TENM1: variants seen among roughly 807,000 people sequenced by gnomAD.
TENM1 encodes the protein teneurin transmembrane protein 1, also known as teneurin-1.
TENM1 carries 35 observed loss-of-function variants against 174.8 expected under a neutral mutation model. That is an observed-to-expected ratio of 0.20 (90% confidence interval 0.15 to 0.27). The LOEUF is 0.27. Ranked by LOEUF, TENM1 falls within the 10% of genes least tolerant of loss-of-function variation. TENM1 has a pLI of 1.00. For synonymous variants in TENM1, 781 were observed against 798.7 expected, an observed-to-expected ratio of 0.98 and a Z score of 0.37; for missense variants, 1,633 against 2,130.1, an observed-to-expected ratio of 0.77 and a Z score of 4.59.
chrX:124,504,693 G>C (rs1238462877), intron 18 of TENM1, among the ~76,000 whole-genome samples: 1 of 111,331 alleles, frequency 9.0e-6, no homozygotes, highest in African/African-American at 3.3e-5. Flanking sequence ...TCGAGTACCT[G>C]CCTCTGCCTG....
chrX:124,453,702 C>T (rs1039468315), intron 22 of TENM1, among the ~76,000 whole-genome samples: 3 of 111,701 alleles, frequency 2.7e-5, no homozygotes, highest in East Asian at 2.8e-4. Context: ...AAAAGTCACA[C>T]GCGGAGATAA....
At chrX:124,422,005 G>T (rs769111403) in intron 24 of TENM1, among the ~76,000 whole-genome samples, 1 of 111,982 alleles carries the variant, frequency 8.9e-6, no homozygotes, top group South Asian at 3.7e-4. Context: ...GAATAGCAAG[G>T]TGATATAACT....
chrX:125,044,397 G>A, the TENM1 span, among the ~76,000 whole-genome samples: 1 of 108,069 alleles, frequency 9.3e-6, no homozygotes, highest in East Asian at 3.0e-4. Flanking sequence ...AGACTAGCCT[G>A]GGCAACACAG....
the TENM1 span, among the ~76,000 whole-genome samples, chrX:124,979,110 A>T: frequency 3.5e-5 from 4 of 112,810 alleles, no homozygotes; most frequent in Non-Finnish European, 7.5e-5. Flanking sequence ...AGCCTGCCCC[A>T]CCACAGCAGA....
chrX:125,044,695 A>G, the TENM1 span, among the ~76,000 whole-genome samples: 1 of 111,435 alleles, frequency 9.0e-6, no homozygotes, highest in South Asian at 3.7e-4. Flanking sequence ...CATATTGTCA[A>G]CCTTGAAAAC....
chrX:124,438,004 C>T (rs1409746732), intron 23 of TENM1, among the ~76,000 whole-genome samples: 1 of 111,980 alleles, frequency 8.9e-6, no homozygotes, highest in African/African-American at 3.2e-5. Flanking sequence ...TGCACTTTCC[C>T]CTCTCATAAT....
chrX:124,735,403 C>T (rs763780720), intron 4 of TENM1, among the ~76,000 whole-genome samples: 61 of 111,774 alleles, frequency 5.5e-4, no homozygotes, highest in Non-Finnish European at 9.6e-4. Flanking sequence ...CAATGAAATA[C>T]GATCTCATAC....
At chrX:125,026,942 T>A in the TENM1 span, among the ~76,000 whole-genome samples, 5 of 111,552 alleles carry the variant, frequency 4.5e-5, no homozygotes, top group African/African-American at 1.6e-4. Context: ...TTAAAGGGTA[T>A]CTATTAAAAA....
chrX:125,092,403 C>T, the TENM1 span, among the ~76,000 whole-genome samples: 1 of 111,881 alleles, frequency 8.9e-6, no homozygotes, highest in Admixed American at 9.5e-5. Context: ...GACTTTATAG[C>T]AGCCAAAAGA....
At chrX:124,674,073 G>A (rs192288559) in intron 5 of TENM1, among the ~76,000 whole-genome samples, 1 of 109,872 alleles carries the variant, frequency 9.1e-6, no homozygotes, top group Admixed American at 9.8e-5. Flanking sequence ...GGGCCCTCCA[G>A]ATAGTGAATG....
At chrX:124,569,500 C>T (rs1310694602) in intron 11 of TENM1, among the ~76,000 whole-genome samples, 2 of 111,788 alleles carry the variant, frequency 1.8e-5, no homozygotes, top group Non-Finnish European at 3.8e-5. Flanking sequence ...ATATTGACCA[C>T]GTGCTAGGCT....
At chrX:124,470,365 T>C (rs945629085) in intron 22 of TENM1, among the ~76,000 whole-genome samples, 2 of 111,135 alleles carry the variant, frequency 1.8e-5, no homozygotes, top group Admixed American at 1.9e-4. Flanking sequence ...TGAGGAGTAA[T>C]CTATATGGTA....
At chrX:124,869,062 CAAAAAAAA>C (rs146594515) in intron 3 of TENM1, among the ~76,000 whole-genome samples, 1 of 52,804 alleles carries the variant, frequency 1.9e-5, no homozygotes, top group Admixed American at 2.3e-4. Context: ...CCGTCTCTAC[CAAAAAAAA>C]AAAAAAAAAA....
intron 3 of TENM1, among the ~76,000 whole-genome samples, chrX:124,817,573 T>G (rs1195898850): frequency 9.0e-6 from 1 of 111,463 alleles, no homozygotes; most frequent in African/African-American, 3.3e-5. Flanking sequence ...TACTAAGTGG[T>G]TTTACCTCCA....
intron 1 of TENM1, among the ~76,000 whole-genome samples, chrX:124,907,937 A>C (rs1347491338): frequency 8.9e-6 from 1 of 111,806 alleles, no homozygotes; most frequent in Non-Finnish European, 1.9e-5. Context: ...ATTCTCTATT[A>C]GCTGTGGAAG....
At chrX:125,138,704 T>A in the TENM1 span, among the ~76,000 whole-genome samples, 1 of 111,131 alleles carries the variant, frequency 9.0e-6, no homozygotes, top group Admixed American at 9.6e-5. Flanking sequence ...GCTTCCAAGG[T>A]ATTGGGAATA....
the TENM1 span, among the ~76,000 whole-genome samples, chrX:125,176,653 T>C: frequency 3.6e-5 from 4 of 111,806 alleles, no homozygotes; most frequent in Non-Finnish European, 7.5e-5. Context: ...TTTAATACTA[T>C]TGTGATTTCC....
At chrX:125,127,851 T>C in the TENM1 span, among the ~76,000 whole-genome samples, 397 of 111,050 alleles carry the variant, frequency 3.6e-3, 3 homozygotes, top group African/African-American at 0.012. Flanking sequence ...AATTCTAAGA[T>C]GACTTTATAT....
At chrX:124,918,046 C>A (rs1287063693) in intron 1 of TENM1, among the ~76,000 whole-genome samples, 1 of 112,132 alleles carries the variant, frequency 8.9e-6, no homozygotes, top group Non-Finnish European at 1.9e-5. Context: ...CAAACAGAAA[C>A]CTTCTCTACA....
Sources: allele counts gnomAD v4.1 joint callset (sites outside exome capture counted in the v4.1 genomes callset), GRCh38; gene constraint gnomAD v4.1.1; transcripts MANE v1.5; gene names NCBI Gene and HGNC (gene_info 2026-07-23, HGNC 2026-07-21).